Variants in SYN2 observed in about 807,000 individuals in gnomAD.
SYN2 encodes the protein synapsin II.
In SYN2, 19 loss-of-function variants were observed where a neutral mutation model predicts 50.9. The ratio of observed to expected loss-of-function variants is 0.37; its 90% CI spans 0.26 to 0.55. The LOEUF is 0.55. Among genes scored for constraint, SYN2 ranks in the 20% least tolerant of loss-of-function variants. SYN2 has a pLI of 0.81. For missense variants in SYN2, 587 were observed against 576.4 expected (o/e 1.02, Z -0.19); for synonymous variants, 255 against 224.9 (o/e 1.13, Z -1.20).
At chr3:12,070,959 G>T in intron 1 of SYN2, 1 of 549,374 alleles carries the variant, frequency 1.8e-6, no homozygotes. Context: ...AGAGCTAGGA[G>T]CTGCCTGACA....
intron 1 of SYN2, among the ~76,000 whole-genome samples, chr3:12,116,995 C>G (rs1370904108): frequency 5.9e-5 from 9 of 152,162 alleles, no homozygotes; most frequent in Admixed American, 2.6e-4. Context: ...AAGCAATCTT[C>G]CTGCCTTAGC....
At chr3:12,054,428 G>A (rs1359494443) in intron 1 of SYN2, among the ~76,000 whole-genome samples, 3 of 152,136 alleles carry the variant, frequency 2.0e-5, no homozygotes, top group African/African-American at 7.2e-5. Context: ...TGACACAGAA[G>A]GTTTAACTAC....
At chr3:12,163,699 G>A (rs1207145614) in intron 7 of SYN2, among the ~76,000 whole-genome samples, 1 of 152,068 alleles carries the variant, frequency 6.6e-6, no homozygotes, top group Admixed American at 6.5e-5. Context: ...TACCTTTATT[G>A]TCTAGATTTG....
chr3:12,171,149 GT>G (rs2125244888), intron 10 of SYN2, among the ~76,000 whole-genome samples: 1 of 152,278 alleles, frequency 6.6e-6, no homozygotes, highest in Non-Finnish European at 1.5e-5. Context: ...TCTTATGAGT[GT>G]TTTAGTTACT....
intron 1 of SYN2, among the ~76,000 whole-genome samples, chr3:12,008,844 G>T (rs984142449): frequency 1.3e-5 from 2 of 152,208 alleles, no homozygotes; most frequent in Admixed American, 6.5e-5. Context: ...GTTTGTCTCA[G>T]TCCAGACAGT....
chr3:12,042,026 A>G (rs2125149653), intron 1 of SYN2, among the ~76,000 whole-genome samples: 1 of 152,304 alleles, frequency 6.6e-6, no homozygotes, highest in South Asian at 2.1e-4. Context: ...CATATATAGT[A>G]GTTTCCAAAT....
Position 12,168,443 on chromosome 3 carries a change from G to GT in SYN2, c.1124dup (p.His376ThrfsTer11). On this transcript the variant is annotated frameshift_variant, in exon 9 of 13. Transcript: ENST00000621198. LOFTEE classifies it high-confidence loss of function. ...CCTGGACATCTGTGCTGTCAAAGCT[G>GT]TACATGGCAAAGATGGGAAAGACTA... 1 of 1,613,938 alleles carries GT rather than the reference G, an allele frequency of 6.2e-7. No individual in the cohort carries two copies. Among genetic ancestry groups the GT allele is most frequent in the Non-Finnish European group, 8.5e-7 (1 of 1,179,892 alleles).
At chr3:12,012,504 T>C (rs1198868806) in intron 1 of SYN2, among the ~76,000 whole-genome samples, 1 of 152,238 alleles carries the variant, frequency 6.6e-6, no homozygotes, top group Non-Finnish European at 1.5e-5. Flanking sequence ...AGTTGCTCAT[T>C]GTGCTTATTC....
intron 7 of SYN2, among the ~76,000 whole-genome samples, chr3:12,163,923 A>G (rs1209019491): frequency 6.6e-6 from 1 of 152,124 alleles, no homozygotes; most frequent in East Asian, 1.9e-4. Context: ...CAAAAAATAC[A>G]AAAATTAGCT....
intron 1 of SYN2, among the ~76,000 whole-genome samples, chr3:12,087,991 G>T (rs1028376645): frequency 6.7e-4 from 102 of 151,680 alleles, no homozygotes; most frequent in African/African-American, 2.4e-3. Context: ...AAGCATAAGA[G>T]AAAACCATAG....
intron 1 of SYN2, among the ~76,000 whole-genome samples, chr3:12,093,547 A>G (rs1291401075): frequency 6.6e-6 from 1 of 152,190 alleles, no homozygotes; most frequent in Admixed American, 6.5e-5. Flanking sequence ...TTTGGTCTTA[A>G]TAATGGGCTT....
At chr3:12,145,279 A>G (rs955079925) in intron 3 of SYN2, among the ~76,000 whole-genome samples, 6 of 152,234 alleles carry the variant, frequency 3.9e-5, no homozygotes, top group East Asian at 1.9e-4. Context: ...GCACTTGCCT[A>G]TAGTCCTAGC....
intron 7 of SYN2, among the ~76,000 whole-genome samples, chr3:12,163,327 G>T (rs577796588): frequency 1.3e-5 from 2 of 151,824 alleles, no homozygotes; most frequent in African/African-American, 4.8e-5. Flanking sequence ...TTTGATCTTG[G>T]TCACTCAGGA....
chr3:12,159,851 T>C (rs143976599), intron 5 of SYN2, among the ~76,000 whole-genome samples: 294 of 151,966 alleles, frequency 1.9e-3, no homozygotes, highest in Middle Eastern at 3.4e-3. Context: ...GAGATCACCC[T>C]AGCCATCATG....
At chr3:12,115,506 T>C (rs1192082378) in intron 1 of SYN2, among the ~76,000 whole-genome samples, 1 of 152,200 alleles carries the variant, frequency 6.6e-6, no homozygotes, top group Non-Finnish European at 1.5e-5. Context: ...CGTGAATTTT[T>C]GTGCCATATA....
intron 1 of SYN2, among the ~76,000 whole-genome samples, chr3:12,072,546 T>C (rs1419039544): frequency 2.0e-5 from 3 of 152,218 alleles, no homozygotes; most frequent in African/African-American, 7.2e-5. Flanking sequence ...GATATCGATA[T>C]ATGGTTGTCC....
intron 7 of SYN2, 123 bp from the exon 8 acceptor site, chr3:12,167,111 G>A: frequency 1.0e-6 from 1 of 953,786 alleles, no homozygotes; most frequent in Non-Finnish European, 1.6e-6. Context: ...ACAGACCCCT[G>A]GGCTACTTGT....
At position 12,187,617 on chromosome 3, in the gene SYN2, G is replaced by A; in HGVS notation, c.1613+5G>A. On this transcript the variant is annotated splice_donor_5th_base_variant and intron_variant, in intron 12 of 12. Coordinates refer to ENST00000621198, the MANE Select transcript of SYN2 (RefSeq NM_133625.6). ...CCAGCCTCACCCACAGCTCAAGTAA[G>A]AGACAACTCAGCAGCTCCTCCCTCC... 1 of 1,538,420 alleles carries A rather than the reference G, an allele frequency of 6.5e-7. No homozygotes were observed. Among genetic ancestry groups the A allele is most frequent in the Non-Finnish European group, 8.8e-7 (1 of 1,136,206 alleles).
At chr3:12,068,058 CGAAT>C (rs541128758) in intron 1 of SYN2, among the ~76,000 whole-genome samples, 3 of 152,012 alleles carry the variant, frequency 2.0e-5, no homozygotes, top group African/African-American at 4.8e-5. Context: ...GACCTTGTCT[CGAAT>C]GAATGAATGA....
Sources: allele counts gnomAD v4.1 joint callset (sites outside exome capture counted in the v4.1 genomes callset), GRCh38; gene constraint gnomAD v4.1.1; transcripts MANE v1.5; gene names NCBI Gene and HGNC (gene_info 2026-07-23, HGNC 2026-07-21).